The following PTPRZ1 variants were observed in gnomAD, a reference collection of about 807,000 sequenced individuals.
PTPRZ1 encodes protein tyrosine phosphatase receptor type Z1, also known as receptor-type tyrosine-protein phosphatase zeta.
A neutral mutation model predicts 214.1 loss-of-function variants in PTPRZ1; 82 were observed. The observed-to-expected ratio is 0.38, with a 90% CI of 0.32 to 0.46. PTPRZ1 has a LOEUF of 0.46. Among genes scored for constraint, PTPRZ1 ranks in the 20% least tolerant of loss-of-function variants. PTPRZ1 has a pLI of 1.00. For missense variants in PTPRZ1, 2,603 were observed against 2,748.7 expected (o/e 0.95, Z 1.19); for synonymous variants, 945 against 987.9 (o/e 0.96, Z 0.81).
intron 23 of PTPRZ1, among the ~76,000 whole-genome samples, chr7:122,047,570 T>C (rs1033148581): frequency 1.3e-5 from 2 of 152,034 alleles, no homozygotes; most frequent in African/African-American, 4.8e-5. Context: ...GAGGAAGTAC[T>C]CTACGGTTTC....
At chr7:122,019,339 G>A (rs1027631594) in intron 13 of PTPRZ1, 71 bp downstream of exon 13, 3 of 1,424,444 alleles carry the variant, frequency 2.1e-6, no homozygotes, top group Non-Finnish European at 2.9e-6. Context: ...CATCTGAAAG[G>A]TCTTCAAAGC....
At chr7:121,994,627 G>A (rs1313834242) in intron 8 of PTPRZ1, among the ~76,000 whole-genome samples, 3 of 152,136 alleles carry the variant, frequency 2.0e-5, no homozygotes, top group Non-Finnish European at 4.4e-5. Context: ...ATTGTCCAGA[G>A]TCACTTCCAA....
At position 122,061,821 on chromosome 7, in the gene PTPRZ1, G is replaced by A. The variant is rs1431409384; in HGVS notation, c.*601G>A. ...CTGTGTAATTGTTTAGTTTAATGAC[G>A]TAGTTCATTAGCTGGTCTTACTCTA... On this transcript the variant is annotated 3_prime_UTR_variant, in exon 30 of 30. Coordinates refer to ENST00000393386, the MANE Select transcript of PTPRZ1 (RefSeq NM_002851.3). 2.0e-5 allele frequency: 3 copies of A among 152,568 alleles called. No homozygotes were observed. Among genetic ancestry groups the A allele is most frequent in the African/African-American group, 4.8e-5 (2 of 41,482 alleles). The allele number at this position is 152,568 out of a possible 1,614,324, so 9.5% of individuals were successfully genotyped here.
At chr7:121,921,932 G>A (rs535180579) in intron 1 of PTPRZ1, among the ~76,000 whole-genome samples, 11 of 152,168 alleles carry the variant, frequency 7.2e-5, no homozygotes, top group African/African-American at 1.2e-4. Flanking sequence ...CATAAATGTC[G>A]TTGCATGTAT....
At chr7:122,050,444 AGAGGGGAGGGAAAAGGAGAG>A (rs1792139013) in intron 23 of PTPRZ1, among the ~76,000 whole-genome samples, 2 of 35,676 alleles carry the variant, frequency 5.6e-5, no homozygotes, top group Non-Finnish European at 5.2e-5. Context: ...GAAGGGGAGG[AGAGGGGAGGGAAAAGGAGAG>A]GAGGGGAGGG....
chr7:122,055,155 A>T (rs748694959), intron 27 of PTPRZ1, 68 bp downstream of exon 27: 57 of 1,279,820 alleles, frequency 4.5e-5, no homozygotes, highest in Non-Finnish European at 5.7e-5. Context: ...TGACCTAAGG[A>T]TCTGTCCTAG....
chr7:121,909,007 G>C (rs1054003549), intron 1 of PTPRZ1: 4 of 510,084 alleles, frequency 7.8e-6, no homozygotes, highest in African/African-American at 1.9e-5. Flanking sequence ...CTGATTATTC[G>C]ATGTATTAGA....
intron 1 of PTPRZ1, among the ~76,000 whole-genome samples, chr7:121,893,120 C>T (rs935021143): frequency 6.6e-6 from 1 of 151,866 alleles, no homozygotes; most frequent in Non-Finnish European, 1.5e-5. Flanking sequence ...ACATTTTTAA[C>T]AATGATTGCC....
At chr7:122,016,157 A>T (rs1294361277) in intron 12 of PTPRZ1, among the ~76,000 whole-genome samples, 1 of 152,044 alleles carries the variant, frequency 6.6e-6, no homozygotes, top group Non-Finnish European at 1.5e-5. Context: ...TCCAGGTCAC[A>T]TGAGTAAATA....
intron 3 of PTPRZ1, among the ~76,000 whole-genome samples, chr7:121,972,123 G>A (rs1797267416): frequency 6.6e-6 from 1 of 151,966 alleles, no homozygotes; most frequent in African/African-American, 2.4e-5. Flanking sequence ...GAAATGGGCT[G>A]AAAATAGGAA....
chr7:121,956,056 G>A (rs1004063212), intron 2 of PTPRZ1, among the ~76,000 whole-genome samples: 9 of 151,846 alleles, frequency 5.9e-5, no homozygotes, highest in Admixed American at 3.9e-4. Flanking sequence ...TGGGGAGAGA[G>A]CTTCAGCATC....
intron 2 of PTPRZ1, among the ~76,000 whole-genome samples, chr7:121,947,991 C>A (rs1796435452): frequency 1.3e-5 from 2 of 152,036 alleles, no homozygotes; most frequent in South Asian, 4.2e-4. Flanking sequence ...CATATTTCCC[C>A]TCACATTTGT....
intron 17 of PTPRZ1, 30 bp from the exon 18 acceptor site, chr7:122,036,570 A>G: frequency 7.0e-7 from 1 of 1,431,066 alleles, no homozygotes; most frequent in Non-Finnish European, 9.8e-7. Context: ...AGTCTGTGCT[A>G]CAATGAAATA....
Position 122,012,715 on chromosome 7 carries a change from T to C in PTPRZ1, c.3669T>C (p.His1223=). The C allele has an allele frequency of 6.2e-7, 1 of 1,606,256 alleles. No individual in the cohort carries two copies. The highest frequency in any genetic ancestry group is 1.1e-5 in the South Asian group (1 of 90,904). ...KVDKISSTML[H]LIVSNSASSE... Reference sequence around the variant, plus strand: ...ATAAAATTAGTTCTACAATGTTGCATCTCATTGTATCAAATTCTGCTTCAA... The same window carrying C: ...ATAAAATTAGTTCTACAATGTTGCACCTCATTGTATCAAATTCTGCTTCAA... The change falls in exon 12 of 30, where the codon CAT becomes CAC. Residue 1223 remains histidine, a synonymous_variant. Transcript: ENST00000393386.
intron 8 of PTPRZ1, among the ~76,000 whole-genome samples, chr7:121,993,418 A>G (rs1267707966): frequency 6.7e-6 from 1 of 150,170 alleles, no homozygotes; most frequent in African/African-American, 2.4e-5. Context: ...TAAAAATACA[A>G]AAAAAAAACA....
At chr7:122,054,791 G>A in intron 26 of PTPRZ1, 150 bp from the exon 27 acceptor site, 1 of 716,488 alleles carries the variant, frequency 1.4e-6, no homozygotes, top group Non-Finnish European at 2.2e-6. Flanking sequence ...TCTAGTTGAA[G>A]GCACGAGAAA....
At chr7:121,958,315 A>C (rs919937438) in intron 2 of PTPRZ1, among the ~76,000 whole-genome samples, 3 of 152,150 alleles carry the variant, frequency 2.0e-5, no homozygotes, top group Non-Finnish European at 4.4e-5. Flanking sequence ...GCTGTGTATG[A>C]TACCCACTTT....
intron 1 of PTPRZ1, among the ~76,000 whole-genome samples, chr7:121,914,050 A>T (rs939831588): frequency 2.0e-5 from 3 of 152,214 alleles, no homozygotes; most frequent in Admixed American, 1.3e-4. Context: ...GTGGTGGCTC[A>T]TGCCTCTGAT....
At chr7:121,961,964 G>A (rs1268855158) in intron 2 of PTPRZ1, among the ~76,000 whole-genome samples, 2 of 152,164 alleles carry the variant, frequency 1.3e-5, no homozygotes, top group African/African-American at 2.4e-5. Context: ...TAATCAGCCT[G>A]ATAATCTGCT....
Sources: allele counts gnomAD v4.1 joint callset (sites outside exome capture counted in the v4.1 genomes callset), GRCh38; gene constraint gnomAD v4.1.1; transcripts MANE v1.5; gene names NCBI Gene and HGNC (gene_info 2026-07-23, HGNC 2026-07-21).